Variants in NEK6 observed in about 807,000 individuals in gnomAD.
The protein encoded by NEK6 is serine/threonine-protein kinase Nek6.
Under a neutral mutation model 43.5 loss-of-function variants are expected in NEK6, and 27 were observed. The observed-to-expected ratio is 0.62, with a 90% confidence interval of 0.46 to 0.86. The LOEUF (loss-of-function observed/expected upper bound fraction) is 0.86. NEK6 is among the 40% of genes least tolerant of loss of function. The pLI is 0.00. For missense variants in NEK6, 318 were observed against 414.4 expected, an observed-to-expected ratio of 0.77 and a Z score of 2.02; for synonymous variants, 167 against 164.1, an observed-to-expected ratio of 1.02 and a Z score of -0.14.
At chr9:124,342,023 C>T (rs1484223458) in intron 8 of NEK6, among the ~76,000 whole-genome samples, 1 of 152,128 alleles carries the variant, frequency 6.6e-6, no homozygotes, top group Admixed American at 6.5e-5. Context: ...CAGGAGGAGT[C>T]GTGAGTTCCA....
chr9:124,287,983 T>A (rs552100298), intron 1 of NEK6, among the ~76,000 whole-genome samples: 165 of 152,330 alleles, frequency 1.1e-3, no homozygotes, highest in African/African-American at 3.9e-3. Context: ...GGGGGCCAGC[T>A]CAGTTTCATT....
At chr9:124,294,515 A>G (rs1413980948) in intron 1 of NEK6, among the ~76,000 whole-genome samples, 1 of 148,764 alleles carries the variant, frequency 6.7e-6, no homozygotes, top group Non-Finnish European at 1.5e-5. Context: ...AAGTGCCGAG[A>G]TGAAGGAGGG....
intron 1 of NEK6, among the ~76,000 whole-genome samples, chr9:124,299,827 G>A (rs1361274230): frequency 6.6e-6 from 1 of 152,088 alleles, no homozygotes; most frequent in Non-Finnish European, 1.5e-5. Context: ...CCAAGTCTGT[G>A]GGTCAAAGTT....
intron 4 of NEK6, among the ~76,000 whole-genome samples, chr9:124,319,263 C>T (rs193273068): frequency 6.6e-6 from 1 of 152,178 alleles, no homozygotes; most frequent in East Asian, 1.9e-4. Context: ...GGATTACAGG[C>T]GTGAGCCACC....
intron 1 of NEK6, among the ~76,000 whole-genome samples, chr9:124,262,100 T>C (rs1831055569): frequency 6.6e-6 from 1 of 152,124 alleles, no homozygotes; most frequent in Admixed American, 6.5e-5. Flanking sequence ...TGGCTGTCCG[T>C]GAAATGGCTT....
In NEK6 at chr9:124,324,699, A is replaced by G. The variant is rs997074071; in HGVS notation, c.406-1631A>G. On this transcript the variant is annotated intron_variant, in intron 5 of 9. Coordinates refer to ENST00000320246, the MANE Select transcript of NEK6 (RefSeq NM_014397.6). This position sits in a 1 kb window ranked among gnomAD's most constrained non-coding sequence, Gnocchi z 5.3. Reference sequence around the variant, plus strand: ...GACGGCTCACCTGAGAGGGCCTCCCAGAATTGTACCTCAGAACAGCCTCGA... The same window carrying G: ...GACGGCTCACCTGAGAGGGCCTCCCGGAATTGTACCTCAGAACAGCCTCGA... 6.6e-6 allele frequency among the ~76,000 whole-genome samples: 1 copy of G among 152,116 alleles called. No individual in the cohort carries two copies. The highest frequency in any genetic ancestry group is 1.5e-5 in the Non-Finnish European group (1 of 68,002).
chr9:124,292,583 G>GTTCCACTTGGTCCTTC (rs1437069000), intron 1 of NEK6: 2 of 1,535,942 alleles, frequency 1.3e-6, no homozygotes, highest in Admixed American at 2.0e-5. Flanking sequence ...CCCCGGGGCT[G>GTTCCACTTGGTCCTTC]TTCCACTTGG....
intron 2 of NEK6, among the ~76,000 whole-genome samples, chr9:124,302,935 T>C (rs1411994473): frequency 6.6e-6 from 1 of 152,236 alleles, no homozygotes; most frequent in East Asian, 1.9e-4. Context: ...TAAGGAACTG[T>C]GCATGTGTGT....
In NEK6 at chr9:124,326,554, A is replaced by G; in HGVS notation, c.514+116A>G. 1 of 731,332 alleles carries G rather than the reference A, an allele frequency of 1.4e-6. No homozygotes were observed. The highest frequency in any genetic ancestry group is 2.4e-6 in the Non-Finnish European group (1 of 423,858). The allele number at this position is 731,332 out of a possible 1,614,324, so 45.3% of individuals were successfully genotyped here. On this transcript the variant is annotated intron_variant, in intron 6 of 9. Transcript: ENST00000320246. The surrounding 1 kb of genome is among the most constrained non-coding windows in gnomAD (Gnocchi z 4.5). ...CCTTGAGGAAGTTGGACCGCTCTGT[A>G]TTCCCCAGGCAAGGGGGCTGCCCAG...
At chr9:124,329,780 C>T (rs1345097329) in intron 7 of NEK6, among the ~76,000 whole-genome samples, 1 of 152,258 alleles carries the variant, frequency 6.6e-6, no homozygotes, top group African/African-American at 2.4e-5. Flanking sequence ...AGGGGAAAGA[C>T]CCCTTCCACC....
chr9:124,292,521 T>TG, intron 1 of NEK6: 1 of 1,537,046 alleles, frequency 6.5e-7, no homozygotes, highest in Non-Finnish European at 8.7e-7. Flanking sequence ...GGATTCTAGA[T>TG]GCTCGCCTGG....
At chr9:124,336,582 G>T (rs1001337341) in intron 7 of NEK6, among the ~76,000 whole-genome samples, 1 of 152,124 alleles carries the variant, frequency 6.6e-6, no homozygotes, top group South Asian at 2.1e-4. Flanking sequence ...CATGTCACAG[G>T]CCACATCTCA....
At position 124,326,547 on chromosome 9, in the gene NEK6, G is replaced by A. The variant is rs1168504636; in HGVS notation, c.514+109G>A. The A allele has an allele frequency of 1.5e-5, 12 of 777,632 alleles. No individual in the cohort carries two copies. Among genetic ancestry groups the A allele is most frequent in the Admixed American group, 4.2e-5 (2 of 48,184 alleles). The allele number at this position is 777,632 out of a possible 1,614,324, so 48.2% of individuals were successfully genotyped here. ...GGCAGCCCCTTGAGGAAGTTGGACC[G>A]CTCTGTATTCCCCAGGCAAGGGGGC... On this transcript the variant is annotated intron_variant, in intron 6 of 9. Transcript: ENST00000320246. The surrounding 1 kb of genome is among the most constrained non-coding windows in gnomAD (Gnocchi z 4.5).
chr9:124,310,764 A>G (rs1384948536), intron 2 of NEK6, among the ~76,000 whole-genome samples: 1 of 152,094 alleles, frequency 6.6e-6, no homozygotes, highest in Non-Finnish European at 1.5e-5. Flanking sequence ...ACACCCGGCT[A>G]ATTTTTGTGT....
rs1564666860 is a variant in NEK6, at chr9:124,347,803, G to A, written c.812G>A (p.Gly271Glu). ...IEQCDYPPLP[G>E]EHYSEKLREL... ...CAGTGTGACTACCCCCCACTCCCCG[G>A]GGAGCACTACTCCGAGAAGGTGAGT... The change falls in exon 9 of 10, where the codon GGG becomes GAG. Residue 271 changes from glycine to glutamate, a missense_variant. This residue lies in a region of NEK6 where 79 missense variants were observed against 70.0 expected (regional missense o/e 1.13). Transcript: ENST00000320246. 2 of 1,611,714 alleles carry A rather than the reference G, an allele frequency of 1.2e-6. No individual in the cohort carries two copies. The highest frequency in any genetic ancestry group is 1.7e-6 in the Non-Finnish European group (2 of 1,178,322).
At chr9:124,302,853 C>T (rs577689301) in intron 2 of NEK6, among the ~76,000 whole-genome samples, 1 of 152,356 alleles carries the variant, frequency 6.6e-6, no homozygotes, top group East Asian at 1.9e-4. Context: ...ATGGAGAGCT[C>T]CCCTGGAGCA....
intron 1 of NEK6, among the ~76,000 whole-genome samples, chr9:124,273,686 A>G (rs1831537809): frequency 6.6e-6 from 1 of 152,248 alleles, no homozygotes; most frequent in Non-Finnish European, 1.5e-5. Flanking sequence ...GTGAGCTGGC[A>G]TTTAGGCCAT....
chr9:124,329,422 G>T (rs764214546), intron 7 of NEK6, among the ~76,000 whole-genome samples: 2 of 152,220 alleles, frequency 1.3e-5, no homozygotes, highest in African/African-American at 4.8e-5. Flanking sequence ...GCAGAGATGC[G>T]TCTCATCCGA....
intron 3 of NEK6, 130 bp from the exon 4 acceptor site, chr9:124,313,793 A>G (rs1192561187): frequency 7.3e-6 from 6 of 821,000 alleles, no homozygotes; most frequent in South Asian, 3.2e-5. Context: ...CTGGGAGTGC[A>G]GGGGGGGGTC....
Sources: allele counts gnomAD v4.1 joint callset (sites outside exome capture counted in the v4.1 genomes callset), GRCh38; gene constraint gnomAD v4.1.1; regional missense constraint gnomAD v4.1.1; non-coding constraint Gnocchi (gnomAD v3.1); transcripts MANE v1.5; gene names NCBI Gene and HGNC (gene_info 2026-07-23, HGNC 2026-07-21).